The following MTUS2 variants were observed in gnomAD, a reference collection of about 807,000 sequenced individuals.
MTUS2 encodes microtubule-associated tumor suppressor candidate 2.
MTUS2 carries 40 observed loss-of-function variants against 114.1 expected under a neutral mutation model. The observed-to-expected ratio is 0.35, with a 90% CI of 0.27 to 0.46. The LOEUF (loss-of-function observed/expected upper bound fraction) is 0.46. Ranked by LOEUF, MTUS2 falls within the 20% of genes least tolerant of loss-of-function variation. MTUS2 has a pLI of 1.00. For synonymous variants in MTUS2, 688 were observed against 672.0 expected (o/e 1.02, Z -0.37); for missense variants, 1,679 against 1,705.4 (o/e 0.98, Z 0.27).
intron 2 of MTUS2, among the ~76,000 whole-genome samples, chr13:28,928,831 A>C (rs984712968): frequency 6.6e-6 from 1 of 152,218 alleles, no homozygotes; most frequent in African/African-American, 2.4e-5. Flanking sequence ...AATCAACCTA[A>C]GTGCCTACTA....
At chr13:29,174,089 A>G (rs1292858716) in intron 5 of MTUS2, among the ~76,000 whole-genome samples, 1 of 152,096 alleles carries the variant, frequency 6.6e-6, no homozygotes. Context: ...ACACACCTAT[A>G]AGTTAACAGT....
At chr13:28,904,042 G>A (rs1879820666) in intron 2 of MTUS2, among the ~76,000 whole-genome samples, 1 of 152,080 alleles carries the variant, frequency 6.6e-6, no homozygotes. Flanking sequence ...ATGTCTTTTG[G>A]CTGCATAAAT....
At chr13:29,120,497 C>T (rs189028477) in intron 5 of MTUS2, among the ~76,000 whole-genome samples, 2,088 of 151,968 alleles carry the variant, frequency 0.014, 22 homozygotes, top group Middle Eastern at 0.024. Flanking sequence ...TTTCTATTTT[C>T]ATGTAAATAG....
chr13:29,387,145 T>C (rs1467072976), intron 8 of MTUS2, among the ~76,000 whole-genome samples: 1 of 152,140 alleles, frequency 6.6e-6, no homozygotes, highest in Non-Finnish European at 1.5e-5. Context: ...TATGCGTAAA[T>C]TCAGAACTTT....
chr13:29,317,921 G>A (rs190818733), intron 6 of MTUS2, among the ~76,000 whole-genome samples: 131 of 152,142 alleles, frequency 8.6e-4, no homozygotes, highest in African/African-American at 3.0e-3. Context: ...CATGTTTTCT[G>A]TTCACCTCCT....
At chr13:29,017,243 A>C (rs1485245635) in intron 2 of MTUS2, among the ~76,000 whole-genome samples, 2 of 152,164 alleles carry the variant, frequency 1.3e-5, no homozygotes, top group Non-Finnish European at 2.9e-5. Context: ...TTACCCTTGA[A>C]TTTTGGGTTC....
chr13:29,285,849 A>G (rs1302451624), intron 6 of MTUS2, among the ~76,000 whole-genome samples: 1 of 152,232 alleles, frequency 6.6e-6, no homozygotes, highest in African/African-American at 2.4e-5. Context: ...AAAATTTGAA[A>G]TTCAAACAAA....
intron 5 of MTUS2, among the ~76,000 whole-genome samples, chr13:29,146,398 A>G (rs1892435289): frequency 6.6e-6 from 1 of 152,240 alleles, no homozygotes; most frequent in Non-Finnish European, 1.5e-5. Context: ...GAGAAGCAGT[A>G]ACTATAATTT....
intron 9 of MTUS2, among the ~76,000 whole-genome samples, chr13:29,461,495 A>G (rs912535216): frequency 6.6e-6 from 1 of 152,228 alleles, no homozygotes; most frequent in Non-Finnish European, 1.5e-5. Flanking sequence ...CAAATACCTC[A>G]CACATATACA....
intron 2 of MTUS2, among the ~76,000 whole-genome samples, chr13:28,894,731 AC>A (rs1420054018): frequency 2.0e-5 from 3 of 152,192 alleles, no homozygotes; most frequent in Non-Finnish European, 2.9e-5. Flanking sequence ...AAGATGAAAA[AC>A]TGGGGTGGGT....
intron 2 of MTUS2, among the ~76,000 whole-genome samples, chr13:29,023,535 C>T (rs1886381088): frequency 6.6e-6 from 1 of 152,136 alleles, no homozygotes; most frequent in Non-Finnish European, 1.5e-5. Flanking sequence ...GACATACTAC[C>T]TCTGAATTCT....
intron 2 of MTUS2, among the ~76,000 whole-genome samples, chr13:28,855,738 C>T (rs1876583092): frequency 6.6e-6 from 1 of 152,150 alleles, no homozygotes; most frequent in African/African-American, 2.4e-5. Flanking sequence ...TGAACATACA[C>T]ATGCATGTAT....
At position 28,870,428 on chromosome 13, in the gene MTUS2, C is replaced by T. The variant is rs113473483; in HGVS notation, c.-243+30578C>T. ...AGAGTATGGGAGGGGGAAGGAGACC[C>T]ATTGGAGTGGGACTCCATGTCACAG... On this transcript the variant is annotated intron_variant, in intron 2 of 15. Transcript: ENST00000612955. 9.9e-3 allele frequency among the ~76,000 whole-genome samples: 1,509 copies of T among 152,160 alleles called. 25 individuals carry two copies. Among genetic ancestry groups the T allele is most frequent in the African/African-American group, 0.034 (1,420 of 41,510 alleles).
intron 2 of MTUS2, among the ~76,000 whole-genome samples, chr13:28,946,272 CGT>C (rs58873985): frequency 0.088 from 13,143 of 149,066 alleles, 673 homozygotes; most frequent in Non-Finnish European, 0.11. Flanking sequence ...TTTCTGTCTG[CGT>C]GTGTGTGTGT....
chr13:29,087,920 G>T (rs988882257), intron 4 of MTUS2, among the ~76,000 whole-genome samples: 7 of 152,044 alleles, frequency 4.6e-5, no homozygotes, highest in Non-Finnish European at 7.4e-5. Flanking sequence ...TTAGCCAGGC[G>T]TGGTGGTGGG....
At chr13:29,438,393 A>G (rs1390629356) in intron 8 of MTUS2, among the ~76,000 whole-genome samples, 1 of 152,194 alleles carries the variant, frequency 6.6e-6, no homozygotes, top group Non-Finnish European at 1.5e-5. Context: ...TGGTTTATAA[A>G]TAACAGAAAT....
At chr13:29,085,717 C>A (rs193153535) in intron 4 of MTUS2, among the ~76,000 whole-genome samples, 1 of 152,122 alleles carries the variant, frequency 6.6e-6, no homozygotes, top group African/African-American at 2.4e-5. Context: ...GATTTCATGT[C>A]TTTACTATTG....
At chr13:29,409,223 G>A (rs1449797822) in intron 8 of MTUS2, among the ~76,000 whole-genome samples, 2 of 152,130 alleles carry the variant, frequency 1.3e-5, no homozygotes, top group South Asian at 2.1e-4. Context: ...GGCTGAGGCA[G>A]GAGAATCACT....
At chr13:29,274,653 A>G (rs999970172) in intron 5 of MTUS2, among the ~76,000 whole-genome samples, 6 of 152,054 alleles carry the variant, frequency 3.9e-5, no homozygotes, top group African/African-American at 1.2e-4. Flanking sequence ...CCATTTGTAT[A>G]TCTTGTTTGG....
Sources: allele counts gnomAD v4.1 joint callset (sites outside exome capture counted in the v4.1 genomes callset), GRCh38; gene constraint gnomAD v4.1.1; transcripts MANE v1.5; gene names NCBI Gene and HGNC (gene_info 2026-07-23, HGNC 2026-07-21).